Variants in GUCY1B1 observed in about 807,000 individuals in gnomAD.
GUCY1B1 encodes guanylate cyclase soluble subunit beta-1.
Under a neutral mutation model 71.0 loss-of-function variants are expected in GUCY1B1, and 43 were observed. That is an observed-to-expected ratio of 0.61 (90% CI 0.47 to 0.78). The LOEUF (loss-of-function observed/expected upper bound fraction) is 0.78, where lower values mean the gene tolerates loss of function less well. Among genes scored for constraint, GUCY1B1 ranks in the 30% least tolerant of loss-of-function variants. GUCY1B1 has a pLI of 0.00. For synonymous variants in GUCY1B1, 266 were observed against 259.7 expected, an observed-to-expected ratio of 1.02 and a Z score of -0.23; for missense variants, 535 against 754.1, an observed-to-expected ratio of 0.71 and a Z score of 3.40.
chr4:155,782,378 A>G (rs545364799), intron 4 of GUCY1B1, among the ~76,000 whole-genome samples: 1 of 152,232 alleles, frequency 6.6e-6, no homozygotes, highest in South Asian at 2.1e-4. Context: ...CATGGGCCAG[A>G]GCGCCTGGCT....
At position 155,795,324 on chromosome 4, in the gene GUCY1B1, C is replaced by G. The variant is rs1422386609; in HGVS notation, c.727-17C>G. 33 of 1,330,608 alleles carry G rather than the reference C, an allele frequency of 2.5e-5. No individual in the cohort carries two copies. Among genetic ancestry groups the G allele is most frequent in the Non-Finnish European group, 3.6e-5 (33 of 925,608 alleles). The allele number at this position is 1,330,608 out of a possible 1,614,324, so 82.4% of individuals were successfully genotyped here. A position where few individuals can be genotyped will look rare whatever the true frequency, so the allele number is the denominator to read the frequency against. ...TTTAACTGATGTGATACTCTTTGCT[C>G]TCTATCTATATTTTAGCTCCAGCCT... On this transcript the variant is annotated splice_polypyrimidine_tract_variant and intron_variant, in intron 6 of 13. Transcript: ENST00000264424.
intron 4 of GUCY1B1, among the ~76,000 whole-genome samples, chr4:155,784,513 G>A (rs1357781056): frequency 6.6e-6 from 1 of 152,048 alleles, no homozygotes; most frequent in Non-Finnish European, 1.5e-5. Context: ...AAGAATGTTG[G>A]TGTTGGTCCT....
intron 7 of GUCY1B1, among the ~76,000 whole-genome samples, chr4:155,796,004 G>C (rs10034507): frequency 0.24 from 35,747 of 152,070 alleles, 4,427 homozygotes; most frequent in African/African-American, 0.3. Context: ...CTGACTGTTT[G>C]CAGCTGCTCT....
chr4:155,773,410 A>G (rs1215366965), intron 2 of GUCY1B1, among the ~76,000 whole-genome samples: 10 of 152,214 alleles, frequency 6.6e-5, no homozygotes, highest in African/African-American at 2.2e-4. Flanking sequence ...TATAATCATG[A>G]CAACTTTTAA....
At chr4:155,774,248 C>T (rs1244725802) in intron 2 of GUCY1B1, among the ~76,000 whole-genome samples, 5 of 152,152 alleles carry the variant, frequency 3.3e-5, no homozygotes, top group African/African-American at 9.7e-5. Flanking sequence ...TACTTTTCCC[C>T]CTCCTCTGTT....
intron 8 of GUCY1B1, 69 bp from the exon 9 acceptor site, chr4:155,799,808 C>T: frequency 1.2e-6 from 1 of 820,416 alleles, no homozygotes. Flanking sequence ...GATTCCTTGA[C>T]AGAAATCGGG....
In GUCY1B1 at chr4:155,802,212, G is replaced by C. The variant is rs1486246973; in HGVS notation, c.1176-130G>C. 2.0e-6 allele frequency: 3 copies of C among 1,505,450 alleles called. No homozygotes were observed. 93.3% of individuals were successfully genotyped at this position (1,505,450 alleles called of 1,614,324 possible). ...CAGCTAATATTTGATGCTAATTTTA[G>C]AGGATGTCCTGCTAGAATCCAGGCC... On this transcript the variant is annotated intron_variant, in intron 9 of 13. Coordinates refer to ENST00000264424, the MANE Select transcript of GUCY1B1 (RefSeq NM_000857.5). The surrounding 1 kb of genome is among the most constrained non-coding windows in gnomAD (Gnocchi z 4.3).
In GUCY1B1 at chr4:155,775,057, G is replaced by A. The variant is rs1250446120; in HGVS notation, c.167G>A (p.Ser56Asn). ...ACTTATGATTTGGTTGCTGCTGCAA[G>A]CAAAGTCCTCAGTAAGTTGAATGCA... ...SKTYDLVAAASKVLNLNAGEI... is the reference protein window; with the variant it reads ...SKTYDLVAAANKVLNLNAGEI... Residue 56 changes from serine (S) to asparagine (N), a missense_variant, in exon 3 of 14, where the codon AGC becomes AAC. Coordinates refer to ENST00000264424, the MANE Select transcript of GUCY1B1 (RefSeq NM_000857.5). 2 of 1,568,786 alleles carry A rather than the reference G, an allele frequency of 1.3e-6. No individual in the cohort carries two copies. The highest frequency in any genetic ancestry group is 1.7e-5 in the Admixed American group (1 of 59,888).
intron 4 of GUCY1B1, among the ~76,000 whole-genome samples, chr4:155,789,471 T>A (rs1027947793): frequency 6.6e-6 from 1 of 152,250 alleles, no homozygotes; most frequent in Non-Finnish European, 1.5e-5. Context: ...GTTTATCTTT[T>A]CTTAAAATGT....
At chr4:155,800,102 T>G in intron 9 of GUCY1B1, 28 bp downstream of exon 9, 1 of 1,477,260 alleles carries the variant, frequency 6.8e-7, no homozygotes, top group Non-Finnish European at 9.3e-7. Flanking sequence ...GGAGCACTAC[T>G]GTTATTCATA....
chr4:155,784,134 G>T lies in GUCY1B1; in HGVS notation c.298-5580G>T, dbSNP rs2340914. ...TTAAAATATTTCCTTGGAGAGGATGGTAATGATAAATTGATATAGCTTTAA... is the reference window on the plus strand; with the variant it reads ...TTAAAATATTTCCTTGGAGAGGATGTTAATGATAAATTGATATAGCTTTAA... On this transcript the variant is annotated intron_variant, in intron 4 of 13. Coordinates refer to ENST00000264424, the MANE Select transcript of GUCY1B1 (RefSeq NM_000857.5). Among the ~76,000 whole-genome samples, 1,214 of 152,136 alleles carry T rather than the reference G, an allele frequency of 8.0e-3. 14 individuals are homozygous for T. Among genetic ancestry groups the T allele is most frequent in the South Asian group, 0.022 (104 of 4,828 alleles).
At chr4:155,767,776 C>T (rs3796564) in intron 2 of GUCY1B1, among the ~76,000 whole-genome samples, 101,624 of 152,008 alleles carry the variant, frequency 0.67, 35,769 homozygotes, top group African/African-American at 0.9. Flanking sequence ...TAGATTAGGC[C>T]ATTGAAAACT....
chr4:155,803,143 G>A (rs1740076019), intron 10 of GUCY1B1, among the ~76,000 whole-genome samples: 2 of 152,136 alleles, frequency 1.3e-5, no homozygotes, highest in African/African-American at 4.8e-5. Flanking sequence ...CTAGATATCT[G>A]GGGTAATATA....
chr4:155,779,529 G>A (rs370498169), intron 4 of GUCY1B1, among the ~76,000 whole-genome samples: 16 of 152,122 alleles, frequency 1.1e-4, no homozygotes, highest in South Asian at 2.1e-4. Flanking sequence ...CTCTTTCAAC[G>A]TGAGAGTGAA....
chr4:155,804,545 C>G, intron 11 of GUCY1B1, 48 bp from the exon 12 acceptor site: 1 of 1,457,422 alleles, frequency 6.9e-7, no homozygotes, highest in African/African-American at 1.4e-5. Flanking sequence ...AAAAAAAATT[C>G]ATGTGTTAGT....
intron 4 of GUCY1B1, chr4:155,785,434 G>A: frequency 3.5e-6 from 2 of 575,892 alleles, no homozygotes; most frequent in African/African-American, 1.9e-5. Context: ...TGCTTCTGTG[G>A]GTATATTTAG....
intron 4 of GUCY1B1, among the ~76,000 whole-genome samples, chr4:155,785,605 A>C (rs930924223): frequency 5.3e-5 from 8 of 152,202 alleles, no homozygotes; most frequent in African/African-American, 1.4e-4. Flanking sequence ...CAAAAAAAAA[A>C]AATTGTAGCC....
chr4:155,791,240 A>G (rs970478554), intron 5 of GUCY1B1, among the ~76,000 whole-genome samples: 3 of 150,136 alleles, frequency 2.0e-5, no homozygotes, highest in Admixed American at 6.6e-5. Flanking sequence ...TCAGCCTCCC[A>G]AGTAGCTGGG....
intron 5 of GUCY1B1, among the ~76,000 whole-genome samples, chr4:155,791,575 T>A (rs1561023254): frequency 6.7e-6 from 1 of 149,284 alleles, no homozygotes; most frequent in East Asian, 2.0e-4. Flanking sequence ...CTAAAAATAC[T>A]AAAAAAATAG....
Sources: allele counts gnomAD v4.1 joint callset (sites outside exome capture counted in the v4.1 genomes callset), GRCh38; gene constraint gnomAD v4.1.1; non-coding constraint Gnocchi (gnomAD v3.1); transcripts MANE v1.5; gene names NCBI Gene and HGNC (gene_info 2026-07-23, HGNC 2026-07-21).